The following SCARA5 variants were observed in gnomAD, a reference collection of about 807,000 sequenced individuals.
SCARA5 encodes scavenger receptor class A, member 5 (putative).
SCARA5 carries 45 observed loss-of-function variants against 46.3 expected under a neutral mutation model. The observed-to-expected ratio is 0.97, with a 90% CI of 0.76 to 1.24. The LOEUF is 1.24. Ranked by LOEUF, SCARA5 falls within the 50% of genes most tolerant of loss-of-function variation. The pLI is 0.00. For synonymous variants in SCARA5, 333 were observed against 306.5 expected, an observed-to-expected ratio of 1.09 and a Z score of -0.90; for missense variants, 680 against 689.0, an observed-to-expected ratio of 0.99 and a Z score of 0.15.
At position 27,892,605 on chromosome 8, in the gene SCARA5, C is replaced by CTTTTTTT. The variant is rs1224026831; in HGVS notation, c.1153+12172_1153+12173insAAAAAAA. ...CAGAAGTGACCTCTCCATACCTCAC[C>CTTTTTTT]CTTTTTTTTTTTTTTTTTTTTTGAG... On this transcript the variant is annotated intron_variant, in intron 7 of 8. Coordinates refer to ENST00000354914, the MANE Select transcript of SCARA5 (RefSeq NM_173833.6). Among the ~76,000 whole-genome samples, 24 of 119,788 alleles carry CTTTTTTT rather than the reference C, an allele frequency of 2.0e-4. 5 individuals are homozygous for CTTTTTTT. Among genetic ancestry groups the CTTTTTTT allele is most frequent in the Non-Finnish European group, 1.8e-4 (10 of 54,228 alleles). 78.6% of individuals were successfully genotyped at this position (119,788 alleles called of 152,430 possible).
chr8:27,876,610 A>G (rs2685383), intron 8 of SCARA5, among the ~76,000 whole-genome samples: 147,080 of 152,184 alleles, frequency 0.97, 71,297 homozygotes, highest in East Asian at 1. Context: ...GCCATTGGAG[A>G]AGCCCATGGG....
intron 3 of SCARA5, among the ~76,000 whole-genome samples, chr8:27,949,759 G>A (rs1808094687): frequency 6.6e-6 from 1 of 152,236 alleles, no homozygotes; most frequent in African/African-American, 2.4e-5. Flanking sequence ...GCCTGGCAGT[G>A]TCTCAGGTCT....
At chr8:27,965,270 T>G (rs1808352080) in intron 3 of SCARA5, among the ~76,000 whole-genome samples, 1 of 152,200 alleles carries the variant, frequency 6.6e-6, no homozygotes, top group African/African-American at 2.4e-5. Context: ...CCTGGCCATT[T>G]GCCTCAAAAT....
intron 2 of SCARA5, among the ~76,000 whole-genome samples, chr8:27,980,746 C>T (rs1266557935): frequency 1.3e-5 from 2 of 152,220 alleles, no homozygotes; most frequent in East Asian, 3.8e-4. Flanking sequence ...AAGGGACAGA[C>T]ACACATACGC....
rs187549688 is a variant in SCARA5 at position 27,986,019 on chromosome 8, G to A, written c.112+1485C>T. Among the ~76,000 whole-genome samples, 267 of 152,294 alleles carry A rather than the reference G, an allele frequency of 1.8e-3. 1 individual carries two copies. The highest frequency in any genetic ancestry group is 6.3e-3 in the African/African-American group (262 of 41,562). On this transcript the variant is annotated intron_variant, in intron 2 of 8. Coordinates refer to ENST00000354914, the MANE Select transcript of SCARA5 (RefSeq NM_173833.6). The stretch of plus-strand genomic sequence containing the variant: ...ACATCTGACCCCTCCCACCCCTGAG[G>A]CCCCCCAGGCTGGCCCTGATAGTCC...
chr8:27,905,532 GAA>G lies in SCARA5; in HGVS notation c.1097-700_1097-699del, dbSNP rs869237451. On this transcript the variant is annotated intron_variant, in intron 6 of 8. Coordinates refer to ENST00000354914, the MANE Select transcript of SCARA5 (RefSeq NM_173833.6). ...AGGATGATCCAAGATTTGGGGGGGG[GAA>G]AAAAAAAAGGCAGCCATATACATAT... Among the ~76,000 whole-genome samples, 408 of 41,602 alleles carry G rather than the reference GAA, an allele frequency of 9.8e-3. 90 individuals carry two copies. Among genetic ancestry groups the G allele is most frequent in the African/African-American group, 0.016 (296 of 18,242 alleles). The allele number at this position is 41,602 out of a possible 152,430, so 27.3% of individuals were successfully genotyped here. A position where few individuals can be genotyped will look rare whatever the true frequency, so the allele number is the denominator to read the frequency against.
At chr8:27,948,105 A>T (rs915675902) in intron 3 of SCARA5, among the ~76,000 whole-genome samples, 3 of 152,208 alleles carry the variant, frequency 2.0e-5, no homozygotes, top group Non-Finnish European at 4.4e-5. Flanking sequence ...CCTTACACTT[A>T]AAAATGGTTA....
chr8:27,965,125 T>C (rs1027354717), intron 3 of SCARA5, among the ~76,000 whole-genome samples: 1 of 152,164 alleles, frequency 6.6e-6, no homozygotes, highest in Non-Finnish European at 1.5e-5. Flanking sequence ...GGTTGCTCAT[T>C]GATGGGACAG....
At chr8:27,958,069 C>T (rs1388954847) in intron 3 of SCARA5, among the ~76,000 whole-genome samples, 1 of 152,194 alleles carries the variant, frequency 6.6e-6, no homozygotes, top group East Asian at 1.9e-4. Flanking sequence ...AGAAGGATTG[C>T]AGTGGGATGG....
At position 27,914,503 on chromosome 8, in the gene SCARA5, G is replaced by C. The variant is rs61551829; in HGVS notation, c.917-4760C>G. 5.7e-3 allele frequency among the ~76,000 whole-genome samples: 870 copies of C among 152,330 alleles called. 11 individuals carry two copies. The highest frequency in any genetic ancestry group is 0.018 in the African/African-American group (768 of 41,572). The stretch of plus-strand genomic sequence containing the variant: ...ACCTCGAACTGTGGTTCCCAAGGAG[G>C]ACAGAACCTTCTGTAGGGCACTGTC... On this transcript the variant is annotated intron_variant, in intron 4 of 8. Coordinates refer to ENST00000354914, the MANE Select transcript of SCARA5 (RefSeq NM_173833.6).
intron 3 of SCARA5, among the ~76,000 whole-genome samples, chr8:27,949,481 T>G (rs982671181): frequency 1.2e-4 from 19 of 152,216 alleles, no homozygotes; most frequent in Non-Finnish European, 1.5e-4. Flanking sequence ...TGATTATTAC[T>G]GTAACCGTAA....
chr8:27,917,311 A>C (rs1221551648), intron 4 of SCARA5, among the ~76,000 whole-genome samples: 1 of 152,226 alleles, frequency 6.6e-6, no homozygotes, highest in Non-Finnish European at 1.5e-5. Flanking sequence ...TCCCACCAGA[A>C]GAACCATGGC....
chr8:27,963,809 A>G (rs1160054827), intron 3 of SCARA5, among the ~76,000 whole-genome samples: 1 of 152,222 alleles, frequency 6.6e-6, no homozygotes, highest in Non-Finnish European at 1.5e-5. Context: ...GCATTTGCAC[A>G]CCGAGATGTT....
At chr8:27,879,008 C>G (rs891143367) in intron 8 of SCARA5, among the ~76,000 whole-genome samples, 2 of 152,002 alleles carry the variant, frequency 1.3e-5, no homozygotes, top group African/African-American at 4.8e-5. Context: ...CGCTTGAGCC[C>G]GAGTGATCAA....
chr8:27,938,663 A>G (rs2685308), intron 3 of SCARA5, among the ~76,000 whole-genome samples: 151,044 of 152,312 alleles, frequency 0.99, 74,904 homozygotes, highest in Middle Eastern at 1. Flanking sequence ...ACACGGAGAG[A>G]GATGGGCGTG....
intron 7 of SCARA5, among the ~76,000 whole-genome samples, chr8:27,903,987 CTG>C (rs1221888607): frequency 6.6e-6 from 1 of 151,180 alleles, no homozygotes; most frequent in Non-Finnish European, 1.5e-5. Flanking sequence ...CTAGGAGACT[CTG>C]TTCATTCTTC....
chr8:27,964,626 C>T (rs868303731), intron 3 of SCARA5, among the ~76,000 whole-genome samples: 36 of 152,152 alleles, frequency 2.4e-4, no homozygotes, highest in African/African-American at 8.0e-4. Flanking sequence ...ATAACATCCA[C>T]CTGTTGGTCC....
intron 3 of SCARA5, among the ~76,000 whole-genome samples, chr8:27,957,249 G>A (rs1252256848): frequency 6.6e-6 from 1 of 152,214 alleles, no homozygotes; most frequent in African/African-American, 2.4e-5. Context: ...TCCTGGGATA[G>A]AAATCAAAGC....
intron 4 of SCARA5, among the ~76,000 whole-genome samples, chr8:27,920,178 C>T (rs1807560404): frequency 6.6e-6 from 1 of 152,076 alleles, no homozygotes; most frequent in Admixed American, 6.5e-5. Flanking sequence ...GCATTTTTGC[C>T]ATTATAGTTA....
Sources: gnomAD v4.1 joint callset for allele counts (sites outside exome capture counted in the v4.1 genomes callset) on GRCh38, gnomAD v4.1.1 for gene constraint, MANE v1.5 for transcripts, NCBI Gene and HGNC (gene_info 2026-07-23, HGNC 2026-07-21) for gene names.